The following FAM120C variants were observed in gnomAD, a reference collection of about 807,000 sequenced individuals.
FAM120C encodes family with sequence similarity 120 member C.
In FAM120C, 14 loss-of-function variants were observed where a neutral mutation model predicts 71.2. The ratio of observed to expected loss-of-function variants is 0.20; its 90% CI spans 0.13 to 0.31. The LOEUF is 0.31. FAM120C is among the 10% of genes least tolerant of loss of function. FAM120C has a pLI of 1.00. For synonymous variants in FAM120C, 354 were observed against 353.2 expected (o/e 1.00, Z -0.03); for missense variants, 500 against 879.0 (o/e 0.57, Z 5.45).
intron 4 of FAM120C, among the ~76,000 whole-genome samples, chrX:54,137,400 G>A (rs1212048771): frequency 6.3e-5 from 7 of 111,890 alleles, no homozygotes; most frequent in Non-Finnish European, 1.1e-4. Context: ...TTGATGTATA[G>A]CTGGTCTATT....
intron 1 of FAM120C, chrX:54,172,000 T>TC (rs1557136000): frequency 8.9e-6 from 1 of 112,662 alleles, no homozygotes; most frequent in Non-Finnish European, 1.9e-5. Context: ...ATTCAGGCCA[T>TC]CACTTTCAAT....
Position 54,134,919 on chromosome X carries a change from G to A in FAM120C, c.1528C>T (p.Leu510=). ...AAAGGAGGTGAGGCTTTAGAAGGCA[G>A]GTAATTGGGAAACTGGGATGCAGAA... ...DSSASQFPNY[L]PSKASPPLGP... is the part of the protein sequence containing the mutation. Residue 510 remains leucine, a synonymous_variant, in exon 7 of 16, where the codon CTG becomes TTG. Coordinates refer to ENST00000375180, the MANE Select transcript of FAM120C (RefSeq NM_017848.6). The A allele has an allele frequency of 1.7e-6, 2 of 1,211,541 alleles. No individual in the cohort carries two copies. The highest frequency in any genetic ancestry group is 2.2e-6 in the Non-Finnish European group (2 of 895,426).
chrX:54,104,289 G>C (rs782102819), intron 10 of FAM120C, among the ~76,000 whole-genome samples: 61 of 111,117 alleles, frequency 5.5e-4, no homozygotes, highest in African/African-American at 1.8e-3. Flanking sequence ...ATTTCTCTAG[G>C]ACATCTAGGA....
At chrX:54,091,909 G>A (rs1479933163) in intron 10 of FAM120C, among the ~76,000 whole-genome samples, 1 of 111,362 alleles carries the variant, frequency 9.0e-6, no homozygotes. Flanking sequence ...CAGGAGGCGA[G>A]ATTAGGAAGT....
In FAM120C at chrX:54,150,729, G is replaced by C. The variant is rs781997384; in HGVS notation, c.1158+516C>G. Reference sequence around the variant, plus strand: ...TTGTTTTCATTTTCTAAATTTTCTAGAATGGGCTTATATTACTTTACCGAT... The same window carrying C: ...TTGTTTTCATTTTCTAAATTTTCTACAATGGGCTTATATTACTTTACCGAT... On this transcript the variant is annotated intron_variant, in intron 4 of 15. Transcript: ENST00000375180. 4.5e-5 allele frequency among the ~76,000 whole-genome samples: 5 copies of C among 111,747 alleles called. No individual in the cohort carries two copies. The East Asian group carries it at 1.4e-3, about 31-fold the overall frequency.
At chrX:54,089,127 C>T (rs1603352519) in intron 11 of FAM120C, among the ~76,000 whole-genome samples, 1 of 111,400 alleles carries the variant, frequency 9.0e-6, no homozygotes, top group South Asian at 3.8e-4. Flanking sequence ...TAAGACAACA[C>T]ATAACAGAGG....
chrX:54,075,190 C>T lies in FAM120C; in HGVS notation c.3037-1903G>A, dbSNP rs782260808. Among the ~76,000 whole-genome samples, 80 of 111,479 alleles carry T rather than the reference C, an allele frequency of 7.2e-4. 1 individual carries two copies. The highest frequency in any genetic ancestry group is 4.6e-3 in the Middle Eastern group (1 of 216). ...AAAAAATAAACAGGCTCAAAAAGTA[C>T]GAAGACTTTACTATTAGTCCTCATG... On this transcript the variant is annotated intron_variant, in intron 15 of 15. Coordinates refer to ENST00000375180, the MANE Select transcript of FAM120C (RefSeq NM_017848.6).
chrX:54,180,479 C>T (rs782724053), intron 1 of FAM120C, among the ~76,000 whole-genome samples: 1 of 112,403 alleles, frequency 8.9e-6, no homozygotes, highest in African/African-American at 3.2e-5. Context: ...CCTCTCAGTC[C>T]TCAGCAAGCA....
At chrX:54,114,918 T>C (rs996217091) in intron 10 of FAM120C, among the ~76,000 whole-genome samples, 46 of 109,688 alleles carry the variant, frequency 4.2e-4, no homozygotes, top group African/African-American at 1.5e-3. Flanking sequence ...TGGCTAATTT[T>C]GTAATTTTTT....
Position 54,135,206 on chromosome X carries a change from G to T in FAM120C, c.1336-95C>A, listed in dbSNP as rs782464849. On this transcript the variant is annotated intron_variant, in intron 6 of 15. Transcript: ENST00000375180. ...TGTGACACAGTGGATGATGCCAGCA[G>T]TGGAGATTGTTGAGATACAAAGCAC... The T allele has an allele frequency of 5.8e-6, 5 of 866,466 alleles. No individual in the cohort carries two copies. In the Admixed American group the frequency reaches 9.9e-5, roughly 17 times the overall value. 71.4% of individuals were successfully genotyped at this position (866,466 alleles called of 1,213,427 possible).
intron 1 of FAM120C, among the ~76,000 whole-genome samples, chrX:54,170,537 T>TA (rs1369704666): frequency 1.8e-5 from 2 of 112,044 alleles, no homozygotes; most frequent in African/African-American, 6.5e-5. Flanking sequence ...CTTGGATTTT[T>TA]AAAAAACCTG....
intron 1 of FAM120C, among the ~76,000 whole-genome samples, chrX:54,165,818 C>T (rs1380833179): frequency 9.1e-6 from 1 of 110,132 alleles, no homozygotes; most frequent in Non-Finnish European, 1.9e-5. Context: ...TAATAAAATA[C>T]ACCATGAGGG....
intron 1 of FAM120C, among the ~76,000 whole-genome samples, chrX:54,169,544 G>A (rs782363432): frequency 8.1e-5 from 9 of 111,414 alleles, no homozygotes; most frequent in Non-Finnish European, 1.1e-4. Flanking sequence ...TGACCTCTGC[G>A]GTACTTGACT....
chrX:54,098,359 A>G (rs1557123679), intron 10 of FAM120C, among the ~76,000 whole-genome samples: 2 of 111,571 alleles, frequency 1.8e-5, no homozygotes, highest in African/African-American at 6.5e-5. Flanking sequence ...ATAATTCTAC[A>G]TGAACATTTG....
chrX:54,129,059 CG>C (rs1192516013), intron 9 of FAM120C, among the ~76,000 whole-genome samples: 3 of 105,293 alleles, frequency 2.8e-5, no homozygotes, highest in Non-Finnish European at 5.9e-5. Context: ...CGGGCAGAGG[CG>C]CCCCCAACCT....
intron 10 of FAM120C, among the ~76,000 whole-genome samples, chrX:54,105,452 A>T (rs1557124712): frequency 8.9e-6 from 1 of 111,921 alleles, no homozygotes; most frequent in Non-Finnish European, 1.9e-5. Context: ...AGCCAATATC[A>T]CACTGAATGG....
intron 10 of FAM120C, among the ~76,000 whole-genome samples, chrX:54,114,821 C>T (rs1018976628): frequency 8.1e-5 from 9 of 111,675 alleles, no homozygotes; most frequent in African/African-American, 2.6e-4. Context: ...AATCTCAGAT[C>T]ACTGCAACCT....
At chrX:54,074,363 T>C (rs2066724941) in intron 15 of FAM120C, among the ~76,000 whole-genome samples, 1 of 111,815 alleles carries the variant, frequency 8.9e-6, no homozygotes, top group South Asian at 3.7e-4. Context: ...AACAGGCAAA[T>C]GCAAGAAAAG....
At chrX:54,128,726 G>A (rs1305283233) in intron 9 of FAM120C, among the ~76,000 whole-genome samples, 1 of 111,401 alleles carries the variant, frequency 9.0e-6, no homozygotes, top group Non-Finnish European at 1.9e-5. Flanking sequence ...ATCTTGCACC[G>A]CCCTTAATCC....
Sources: allele counts gnomAD v4.1 joint callset (sites outside exome capture counted in the v4.1 genomes callset), GRCh38; gene constraint gnomAD v4.1.1; transcripts MANE v1.5; gene names NCBI Gene and HGNC (gene_info 2026-07-23, HGNC 2026-07-21).